The following KCNJ4 variants were observed in gnomAD, a reference collection of about 807,000 sequenced individuals.
The protein encoded by KCNJ4 is potassium inwardly rectifying channel subfamily J member 4.
In KCNJ4, 3 loss-of-function variants were observed where a neutral mutation model predicts 25.6. The ratio of observed to expected loss-of-function variants is 0.12; its 90% CI spans 0.05 to 0.30. KCNJ4 has a LOEUF of 0.30. Ranked by LOEUF, KCNJ4 falls within the 10% of genes least tolerant of loss-of-function variation. The pLI is 1.00. For missense variants in KCNJ4, 286 were observed against 666.8 expected (o/e 0.43, Z 6.29); for synonymous variants, 257 against 283.9 (o/e 0.91, Z 0.95).
In KCNJ4 at chr22:38,443,043, T is replaced by TCTTGAAGGGCATGACTTA. The variant is rs1421396735; in HGVS notation, c.-40+11919_-40+11936dup. Among the ~76,000 whole-genome samples, 4 of 152,108 alleles carry TCTTGAAGGGCATGACTTA rather than the reference T, an allele frequency of 2.6e-5. No individual in the cohort carries two copies. The highest frequency in any genetic ancestry group is 5.9e-5 in the Non-Finnish European group (4 of 68,002). ...GCCACCGTGCCCGGCCTGCAGCCCT[T>TCTTGAAGGGCATGACTTA]CTTGAAGGGCATGACTTACTCTCCA... On this transcript the variant is annotated intron_variant, in intron 1 of 1. Coordinates refer to ENST00000303592, the MANE Select transcript of KCNJ4 (RefSeq NM_152868.3). The surrounding 1 kb of genome is among the most constrained non-coding windows in gnomAD (Gnocchi z 4.1).
rs1448267805 is a variant in KCNJ4, at chr22:38,454,971, G to C, written c.-40+9C>G. Reference sequence around the variant, plus strand: ...CGGACAGCGCCCGGGGTGGGCGAGCGCGGCTTACCGCTGGGCGGAGGGTCC... The same window carrying C: ...CGGACAGCGCCCGGGGTGGGCGAGCCCGGCTTACCGCTGGGCGGAGGGTCC... On this transcript the variant is annotated intron_variant, in intron 1 of 1. Coordinates refer to ENST00000303592, the MANE Select transcript of KCNJ4 (RefSeq NM_152868.3). The C allele has an allele frequency of 6.6e-6, 1 of 151,726 alleles. No individual in the cohort carries two copies. The highest frequency in any genetic ancestry group is 2.4e-5 in the African/African-American group (1 of 41,368). The allele number at this position is 151,726 out of a possible 1,614,324, so 9.4% of individuals were successfully genotyped here.
chr22:38,448,950 G>A (rs983472395), intron 1 of KCNJ4, among the ~76,000 whole-genome samples: 1 of 152,122 alleles, frequency 6.6e-6, no homozygotes, highest in Non-Finnish European at 1.5e-5. Context: ...CCAGCTGACA[G>A]GTCACCATTA....
intron 1 of KCNJ4, among the ~76,000 whole-genome samples, chr22:38,446,908 T>C (rs1268847511): frequency 6.8e-6 from 1 of 147,832 alleles, no homozygotes; most frequent in African/African-American, 2.5e-5. Flanking sequence ...TAAGCTGAGA[T>C]CGCGCCACTG....
intron 1 of KCNJ4, among the ~76,000 whole-genome samples, chr22:38,434,458 G>C (rs1029226882): frequency 6.6e-6 from 1 of 152,160 alleles, no homozygotes; most frequent in African/African-American, 2.4e-5. Context: ...TAACAAGAAG[G>C]GTTGTTATTT....
chr22:38,441,903 A>G (rs1450375530), intron 1 of KCNJ4, among the ~76,000 whole-genome samples: 1 of 152,254 alleles, frequency 6.6e-6, no homozygotes, highest in Non-Finnish European at 1.5e-5. Flanking sequence ...CTCTGTGAGG[A>G]GCAATGTAGG....
chr22:38,446,990 ACCCTT>A (rs2089379355), intron 1 of KCNJ4, among the ~76,000 whole-genome samples: 20 of 150,146 alleles, frequency 1.3e-4, no homozygotes, highest in African/African-American at 4.6e-4. Context: ...GCAAACGCCC[ACCCTT>A]ACGGGGCAGG....
intron 1 of KCNJ4, among the ~76,000 whole-genome samples, chr22:38,438,727 GA>G (rs2089311517): frequency 7.1e-6 from 1 of 140,962 alleles, no homozygotes; most frequent in Non-Finnish European, 1.6e-5. Flanking sequence ...AAGAAAGAAA[GA>G]ATACTCCAAA....
intron 1 of KCNJ4, among the ~76,000 whole-genome samples, chr22:38,431,456 C>T (rs934995245): frequency 3.3e-5 from 5 of 152,192 alleles, no homozygotes; most frequent in Admixed American, 1.3e-4. Flanking sequence ...CAGTGCAGCC[C>T]GATGGGGACA....
At chr22:38,430,121 G>A (rs959168470) in intron 1 of KCNJ4, among the ~76,000 whole-genome samples, 3 of 151,798 alleles carry the variant, frequency 2.0e-5, no homozygotes, top group Non-Finnish European at 4.4e-5. Flanking sequence ...AGAGCTCCCT[G>A]GCTCCTACAG....
chr22:38,442,850 C>T (rs1341242842), intron 1 of KCNJ4, among the ~76,000 whole-genome samples: 1 of 152,124 alleles, frequency 6.6e-6, no homozygotes, highest in Non-Finnish European at 1.5e-5. Flanking sequence ...TCAAGCGATC[C>T]TCCCACCCCA....
Position 38,443,468 on chromosome 22 carries a change from C to A in KCNJ4, c.-40+11512G>T, listed in dbSNP as rs2089351552. ...CCAAGCCATGCCCCCGTCCTCCCCT[C>A]TCCTGCCTTCCCCATCTCAGTCTGT... is the stretch of plus-strand genomic sequence containing the variant. On this transcript the variant is annotated intron_variant, in intron 1 of 1. Transcript: ENST00000303592. This position sits in a 1 kb window ranked among gnomAD's most constrained non-coding sequence, Gnocchi z 4.1. Among the ~76,000 whole-genome samples, 1 of 152,190 alleles carries A rather than the reference C, an allele frequency of 6.6e-6. No individual in the cohort carries two copies. Among genetic ancestry groups the A allele is most frequent in the Admixed American group, 6.5e-5 (1 of 15,278 alleles).
At chr22:38,448,616 G>A (rs909793407) in intron 1 of KCNJ4, among the ~76,000 whole-genome samples, 2 of 152,218 alleles carry the variant, frequency 1.3e-5, no homozygotes, top group Admixed American at 6.5e-5. Flanking sequence ...GCTCTGGGGA[G>A]TGTCAGTGAG....
At chr22:38,432,167 G>A (rs1391177415) in intron 1 of KCNJ4, among the ~76,000 whole-genome samples, 3 of 151,614 alleles carry the variant, frequency 2.0e-5, no homozygotes, top group Non-Finnish European at 4.4e-5. Context: ...GAGGCAGAAG[G>A]ATTGCTTGAA....
intron 1 of KCNJ4, among the ~76,000 whole-genome samples, chr22:38,454,101 C>T (rs148315540): frequency 2.4e-3 from 360 of 152,324 alleles, no homozygotes; most frequent in African/African-American, 7.4e-3. Context: ...CAACCCTTCT[C>T]TGGGCCTCCC....
rs1319983860 is a variant in KCNJ4 at position 38,443,104 on chromosome 22, CCAGAGCTCCTCTGTGCCCCCTT to C, written c.-40+11854_-40+11875del. ...CCTCCTAGTCTCCCCTCAGCCCCCTCCAGAGCTCCTCTGTGCCCCCTTCCCTCTCAGCAGCTCTGATGGAGGC... is the reference window on the plus strand; with the variant it reads ...CCTCCTAGTCTCCCCTCAGCCCCCTCCCCTCTCAGCAGCTCTGATGGAGGC... On this transcript the variant is annotated intron_variant, in intron 1 of 1. Coordinates refer to ENST00000303592, the MANE Select transcript of KCNJ4 (RefSeq NM_152868.3). The surrounding 1 kb of genome is among the most constrained non-coding windows in gnomAD (Gnocchi z 4.1). 6.6e-6 allele frequency among the ~76,000 whole-genome samples: 1 copy of C among 152,142 alleles called. No individual in the cohort carries two copies. Among genetic ancestry groups the C allele is most frequent in the East Asian group, 1.9e-4 (1 of 5,192 alleles).
intron 1 of KCNJ4, among the ~76,000 whole-genome samples, chr22:38,441,231 C>A (rs2089330291): frequency 6.6e-6 from 1 of 152,134 alleles, no homozygotes; most frequent in South Asian, 2.1e-4. Flanking sequence ...ACCATGGTAG[C>A]CACAAGTCCC....
intron 1 of KCNJ4, among the ~76,000 whole-genome samples, chr22:38,442,577 A>G (rs902252111): frequency 7.0e-6 from 1 of 143,386 alleles, no homozygotes; most frequent in African/African-American, 2.6e-5. Flanking sequence ...TGTCACCCCG[A>G]AAGTCTGAGA....
chr22:38,445,018 A>G (rs961527363), intron 1 of KCNJ4, among the ~76,000 whole-genome samples: 5 of 152,096 alleles, frequency 3.3e-5, no homozygotes, highest in Non-Finnish European at 7.4e-5. Context: ...CAGGTAAGTC[A>G]CAAACCGGCT....
At chr22:38,431,756 C>G (rs1001494083) in intron 1 of KCNJ4, among the ~76,000 whole-genome samples, 2 of 152,224 alleles carry the variant, frequency 1.3e-5, no homozygotes, top group Non-Finnish European at 2.9e-5. Flanking sequence ...GCTGCTAATT[C>G]GAGGCTGACC....
Sources: allele counts gnomAD v4.1 joint callset (sites outside exome capture counted in the v4.1 genomes callset), GRCh38; gene constraint gnomAD v4.1.1; non-coding constraint Gnocchi (gnomAD v3.1); transcripts MANE v1.5; gene names NCBI Gene and HGNC (gene_info 2026-07-23, HGNC 2026-07-21).